Variants in CTXN2 observed in about 807,000 individuals in gnomAD.
The protein encoded by CTXN2 is cortexin 2.
In CTXN2, 3 loss-of-function variants were observed where a neutral mutation model predicts 5.7. That is an observed-to-expected ratio of 0.53 (90% confidence interval 0.24 to 1.36). The LOEUF (loss-of-function observed/expected upper bound fraction) is 1.36, where lower values mean the gene tolerates loss of function less well. Ranked by LOEUF, CTXN2 falls within the 40% of genes most tolerant of loss-of-function variation. The pLI is 0.17. For missense variants in CTXN2, 87 were observed against 93.0 expected, an observed-to-expected ratio of 0.94 and a Z score of 0.26; for synonymous variants, 38 against 36.4, an observed-to-expected ratio of 1.04 and a Z score of -0.16.
At chr15:48,184,250 T>C (rs1349162565) in intron 1 of CTXN2, among the ~76,000 whole-genome samples, 2 of 152,186 alleles carry the variant, frequency 1.3e-5, no homozygotes, top group African/African-American at 4.8e-5. Flanking sequence ...CAGATAAACG[T>C]TCATTCAGTT....
rs551216904 is a variant in CTXN2, at chr15:48,202,783, A to T, written c.*1237A>T. On this transcript the variant is annotated 3_prime_UTR_variant, in exon 2 of 2. Coordinates refer to ENST00000417307, the MANE Select transcript of CTXN2 (RefSeq NM_001145668.2). ...AATTATTCAATCTCTCTAGTATTTC[A>T]TTCTCTTCAATTGAGAAATAAAAAG... is the stretch of plus-strand genomic sequence containing the variant. The T allele has an allele frequency of 9.9e-4, 166 of 166,916 alleles. No individual in the cohort carries two copies. Among genetic ancestry groups the T allele is most frequent in the African/African-American group, 3.7e-3 (152 of 41,584 alleles). 10.3% of individuals were successfully genotyped at this position (166,916 alleles called of 1,614,324 possible).
chr15:48,192,117 TG>T (rs1261654557), intron 1 of CTXN2: 1 of 252,616 alleles, frequency 4.0e-6, no homozygotes, highest in East Asian at 9.6e-5. Context: ...TGCAGATTGC[TG>T]ATGCTTCTCC....
At chr15:48,183,398 A>T (rs1188149957) in intron 1 of CTXN2, among the ~76,000 whole-genome samples, 1 of 152,242 alleles carries the variant, frequency 6.6e-6, no homozygotes, top group Non-Finnish European at 1.5e-5. Flanking sequence ...ATAAAGCAAA[A>T]ATGAAACTTT....
chr15:48,200,727 T>A (rs915514970), intron 1 of CTXN2, among the ~76,000 whole-genome samples: 12 of 152,134 alleles, frequency 7.9e-5, no homozygotes, highest in Non-Finnish European at 1.6e-4. Context: ...AATACATACA[T>A]ATAAAACCTA....
intron 1 of CTXN2, among the ~76,000 whole-genome samples, chr15:48,198,209 T>C (rs1385537452): frequency 6.6e-6 from 1 of 152,142 alleles, no homozygotes; most frequent in African/African-American, 2.4e-5. Context: ...CACTGAACTC[T>C]GAAAGAGCTA....
At chr15:48,185,065 T>C (rs2140969894) in intron 1 of CTXN2, among the ~76,000 whole-genome samples, 1 of 152,260 alleles carries the variant, frequency 6.6e-6, no homozygotes, top group East Asian at 1.9e-4. Context: ...ACAGAGTCTG[T>C]ATGACTCTAT....
chr15:48,183,435 A>G (rs1597378526), intron 1 of CTXN2, among the ~76,000 whole-genome samples: 1 of 152,194 alleles, frequency 6.6e-6, no homozygotes, highest in East Asian at 1.9e-4. Context: ...TGTTATTACC[A>G]TGGAGGTTTT....
intron 1 of CTXN2, among the ~76,000 whole-genome samples, chr15:48,198,302 A>C (rs1274385040): frequency 6.6e-6 from 1 of 152,106 alleles, no homozygotes; most frequent in African/African-American, 2.4e-5. Context: ...ATGTATTTGC[A>C]TGCTTTTTGG....
intron 1 of CTXN2, among the ~76,000 whole-genome samples, chr15:48,200,460 G>A (rs2040919179): frequency 6.6e-6 from 1 of 152,108 alleles, no homozygotes; most frequent in Admixed American, 6.6e-5. Context: ...CTTGTTGGGA[G>A]GGAGACTGGG....
Position 48,181,442 on chromosome 15 carries a change from C to T in CTXN2, c.-455+3042C>T, listed in dbSNP as rs149035626. On this transcript the variant is annotated intron_variant, in intron 1 of 2. Coordinates refer to the CTXN2 transcript ENST00000644354. ...CAACACTTCCGCTTATGGGCAAGAACTTAGTCACATGACACACTCATCTGT... is the reference window on the plus strand; with the variant it reads ...CAACACTTCCGCTTATGGGCAAGAATTTAGTCACATGACACACTCATCTGT... Among the ~76,000 whole-genome samples, 10 of 152,266 alleles carry T rather than the reference C, an allele frequency of 6.6e-5. No homozygotes were observed. In the East Asian group the frequency reaches 1.9e-3, roughly 29 times the overall value.
chr15:48,191,601 T>G (rs913748973), upstream of CTXN2: 4 of 422,002 alleles, frequency 9.5e-6, no homozygotes, highest in South Asian at 6.8e-5. Context: ...ACCGAAGAAA[T>G]CCATGCACGT....
chr15:48,196,351 T>C (rs2040879521), intron 1 of CTXN2, among the ~76,000 whole-genome samples: 1 of 152,120 alleles, frequency 6.6e-6, no homozygotes, highest in Non-Finnish European at 1.5e-5. Context: ...TTCCATGTGC[T>C]ATCATATTTC....
chr15:48,197,188 C>G (rs2040887829), intron 1 of CTXN2, among the ~76,000 whole-genome samples: 2 of 151,920 alleles, frequency 1.3e-5, no homozygotes, highest in African/African-American at 2.4e-5. Context: ...ATGTGAAACC[C>G]TTCCACCTCA....
chr15:48,180,715 T>C (rs1244542538), intron 1 of CTXN2, among the ~76,000 whole-genome samples: 10 of 152,208 alleles, frequency 6.6e-5, no homozygotes, highest in African/African-American at 2.2e-4. Flanking sequence ...TTTCACCGTG[T>C]TAGCCAGGAT....
chr15:48,197,343 T>A (rs540234361), intron 1 of CTXN2, among the ~76,000 whole-genome samples: 1 of 152,096 alleles, frequency 6.6e-6, no homozygotes, highest in African/African-American at 2.4e-5. Context: ...GTGCTGCTTA[T>A]CCACCATCAT....
intron 1 of CTXN2, among the ~76,000 whole-genome samples, chr15:48,184,881 A>C (rs1415283385): frequency 6.6e-6 from 1 of 152,210 alleles, no homozygotes; most frequent in African/African-American, 2.4e-5. Context: ...ATTGCCAAAA[A>C]TTGGAAGTAA....
intron 1 of CTXN2, among the ~76,000 whole-genome samples, chr15:48,197,262 C>T (rs1190984682): frequency 4.6e-5 from 7 of 151,948 alleles, no homozygotes; most frequent in Non-Finnish European, 1.0e-4. Context: ...TTCATGGTTC[C>T]CTTCTAGACA....
At chr15:48,190,632 A>G (rs1045332067), upstream of CTXN2, among the ~76,000 whole-genome samples, 26 of 151,972 alleles carry the variant, frequency 1.7e-4, no homozygotes, top group African/African-American at 6.3e-4. Context: ...GAGTGTCCCA[A>G]TTCTGTATCT....
At chr15:48,198,532 G>A (rs757777088) in intron 1 of CTXN2, among the ~76,000 whole-genome samples, 1 of 152,078 alleles carries the variant, frequency 6.6e-6, no homozygotes, top group Non-Finnish European at 1.5e-5. Flanking sequence ...TAGGAACAAA[G>A]TATTATTCGC....
Sources: gnomAD v4.1 joint callset for allele counts (sites outside exome capture counted in the v4.1 genomes callset) on GRCh38, gnomAD v4.1.1 for gene constraint, MANE v1.5 for transcripts, NCBI Gene and HGNC (gene_info 2026-07-23, HGNC 2026-07-21) for gene names.